Variants in FBXL17 observed in about 807,000 individuals in gnomAD.
FBXL17 encodes F-box and leucine rich repeat protein 17, also known as F-box/LRR-repeat protein 17.
Under a neutral mutation model 66.2 loss-of-function variants are expected in FBXL17, and 22 were observed. The ratio of observed to expected loss-of-function variants is 0.33; its 90% CI spans 0.24 to 0.47. The LOEUF (loss-of-function observed/expected upper bound fraction) is 0.47. Among genes scored for constraint, FBXL17 ranks in the 20% least tolerant of loss-of-function variants. The pLI, the probability that FBXL17 is intolerant of heterozygous loss-of-function variation, is 1.00. For synonymous variants in FBXL17, 474 were observed against 400.5 expected, an observed-to-expected ratio of 1.18 and a Z score of -2.19; for missense variants, 878 against 948.2, an observed-to-expected ratio of 0.93 and a Z score of 0.97.
chr5:108,230,118 G>A (rs1755263671), intron 4 of FBXL17, among the ~76,000 whole-genome samples: 1 of 152,192 alleles, frequency 6.6e-6, no homozygotes, highest in Non-Finnish European at 1.5e-5. Context: ...TACACTGCTG[G>A]TAGGAATGTA....
chr5:108,203,492 G>A (rs893075880), intron 5 of FBXL17, among the ~76,000 whole-genome samples: 8 of 152,018 alleles, frequency 5.3e-5, no homozygotes, highest in Non-Finnish European at 1.0e-4. Flanking sequence ...ACTCTTAACT[G>A]CTAAAAAGCT....
chr5:108,220,168 C>G (rs1005224084), intron 5 of FBXL17, among the ~76,000 whole-genome samples: 9 of 151,974 alleles, frequency 5.9e-5, no homozygotes, highest in Admixed American at 1.3e-4. Context: ...TGTCTTTACT[C>G]ATGGGTTATT....
At chr5:108,055,159 T>A (rs988295071) in intron 6 of FBXL17, among the ~76,000 whole-genome samples, 85 of 151,444 alleles carry the variant, frequency 5.6e-4, no homozygotes, top group African/African-American at 2.0e-3. Flanking sequence ...GTTTTTTAAA[T>A]AATAAAATAA....
intron 6 of FBXL17, among the ~76,000 whole-genome samples, chr5:108,129,874 T>G (rs1015525928): frequency 1.3e-5 from 2 of 151,908 alleles, no homozygotes; most frequent in African/African-American, 4.8e-5. Context: ...AAGAGGCTGC[T>G]GCAGTTCTTT....
intron 1 of FBXL17, among the ~76,000 whole-genome samples, chr5:108,368,797 A>AAGAAAAAT (rs1473078411): frequency 6.6e-6 from 1 of 152,158 alleles, no homozygotes; most frequent in Non-Finnish European, 1.5e-5. Flanking sequence ...ACAAGTATGA[A>AAGAAAAAT]AGAAAAATAA....
In FBXL17 at chr5:108,381,568, G is replaced by C. The variant is rs754258862; in HGVS notation, c.124C>G (p.Pro42Ala). 1,007 of 1,440,910 alleles carry C rather than the reference G, an allele frequency of 7.0e-4. 1 individual carries two copies. The highest frequency in any genetic ancestry group is 2.2e-3 in the Middle Eastern group (11 of 4,934). The allele number at this position is 1,440,910 out of a possible 1,614,324, so 89.3% of individuals were successfully genotyped here. The part of the protein sequence containing the change: ...RLPRRTPAKV[P>A]PQPAAPRSRD... ...CTCCGGGGCGCCGCCGGCTGAGGGG[G>C]CACCTTGGCTGGGGTCCGGCGGGGC... is the stretch of plus-strand genomic sequence containing the variant. Residue 42 changes from proline to alanine, a missense_variant, in exon 1 of 9, where the codon CCC (proline) becomes GCC (alanine). Pro to Ala is a conservative substitution (Grantham distance 27). Around this residue, in one of 4 missense-constraint regions of FBXL17, gnomAD observed 605 missense variants for 509.5 expected, o/e 1.19. Coordinates refer to ENST00000542267, the MANE Select transcript of FBXL17 (RefSeq NM_001163315.3).
rs191437499 is a variant in FBXL17 at position 108,244,447 on chromosome 5, T to A, written c.1507-20219A>T. 2.3e-3 allele frequency among the ~76,000 whole-genome samples: 344 copies of A among 152,216 alleles called. 1 individual carries two copies. Among genetic ancestry groups the A allele is most frequent in the Non-Finnish European group, 3.7e-3 (250 of 67,990 alleles). ...AGTTATTATCTGAAAAGTGTGAAAA[T>A]GAGATACCAACCTAAGGGGGTTCTT... On this transcript the variant is annotated intron_variant, in intron 4 of 8. Coordinates refer to ENST00000542267, the MANE Select transcript of FBXL17 (RefSeq NM_001163315.3).
intron 3 of FBXL17, among the ~76,000 whole-genome samples, chr5:108,349,224 G>A (rs1042055455): frequency 1.3e-5 from 2 of 152,180 alleles, no homozygotes; most frequent in African/African-American, 4.8e-5. Context: ...TGACAAAAAT[G>A]TATGTAAGTT....
intron 7 of FBXL17, among the ~76,000 whole-genome samples, chr5:107,979,284 T>G (rs1752712461): frequency 6.6e-6 from 1 of 152,176 alleles, no homozygotes; most frequent in African/African-American, 2.4e-5. Flanking sequence ...TATAATATAG[T>G]TTAATCATCT....
chr5:107,891,239 A>G (rs1749187151), intron 7 of FBXL17, among the ~76,000 whole-genome samples: 1 of 152,218 alleles, frequency 6.6e-6, no homozygotes, highest in African/African-American at 2.4e-5. Flanking sequence ...GGTTTGTTCC[A>G]AAACGATGGA....
chr5:108,055,427 T>C (rs1747663317), intron 6 of FBXL17, among the ~76,000 whole-genome samples: 1 of 150,012 alleles, frequency 6.7e-6, no homozygotes, highest in Non-Finnish European at 1.5e-5. Flanking sequence ...GCTAACACAG[T>C]GAAACTCCGT....
intron 1 of FBXL17, among the ~76,000 whole-genome samples, chr5:108,373,608 T>C (rs1419965190): frequency 3.9e-5 from 6 of 152,054 alleles, no homozygotes; most frequent in Non-Finnish European, 7.4e-5. Context: ...GGGCTAAACT[T>C]TCCAGTTAAG....
chr5:107,976,298 A>G (rs1339409924), intron 7 of FBXL17, among the ~76,000 whole-genome samples: 1 of 152,236 alleles, frequency 6.6e-6, no homozygotes, highest in East Asian at 1.9e-4. Context: ...TTACTGAAGT[A>G]GGTATAAGAA....
At chr5:108,122,259 G>T (rs1025519808) in intron 6 of FBXL17, among the ~76,000 whole-genome samples, 2 of 152,040 alleles carry the variant, frequency 1.3e-5, no homozygotes, top group African/African-American at 4.8e-5. Context: ...TTTTAAACAT[G>T]AAAACGCTCA....
intron 2 of FBXL17, among the ~76,000 whole-genome samples, chr5:108,366,705 C>T (rs940059060): frequency 6.6e-6 from 1 of 152,036 alleles, no homozygotes; most frequent in Non-Finnish European, 1.5e-5. Flanking sequence ...CTGCCCACAA[C>T]TAACTCCCTC....
chr5:108,333,011 A>G (rs1173675579), intron 4 of FBXL17, among the ~76,000 whole-genome samples: 3 of 147,252 alleles, frequency 2.0e-5, no homozygotes, highest in Non-Finnish European at 4.5e-5. Context: ...AAGATCTTGT[A>G]ATTTTCAAAA....
chr5:108,196,236 A>C (rs1025997785), intron 5 of FBXL17, among the ~76,000 whole-genome samples: 5 of 128,374 alleles, frequency 3.9e-5, no homozygotes, highest in East Asian at 2.1e-4. Flanking sequence ...CAAAACAAAC[A>C]AAAAAAAAAC....
chr5:108,107,579 A>G (rs973860293), intron 6 of FBXL17, among the ~76,000 whole-genome samples: 12 of 151,914 alleles, frequency 7.9e-5, no homozygotes, highest in Non-Finnish European at 1.5e-4. Flanking sequence ...TTGGGAGGCC[A>G]AGGCGGGCAG....
intron 4 of FBXL17, among the ~76,000 whole-genome samples, chr5:108,228,834 G>A (rs1755206120): frequency 6.6e-6 from 1 of 152,190 alleles, no homozygotes. Flanking sequence ...ATAGGTGAAA[G>A]TTTGTTACTG....
Sources: gnomAD v4.1 joint callset for allele counts (sites outside exome capture counted in the v4.1 genomes callset) on GRCh38, gnomAD v4.1.1 for gene constraint, gnomAD v4.1.1 regional missense constraint, MANE v1.5 for transcripts, NCBI Gene and HGNC (gene_info 2026-07-23, HGNC 2026-07-21) for gene names.